INPP4B: variants seen among roughly 807,000 people sequenced by gnomAD.
INPP4B encodes the protein inositol polyphosphate-4-phosphatase type II B, also known as inositol polyphosphate 4-phosphatase type II.
In INPP4B, 55 loss-of-function variants were observed where a neutral mutation model predicts 122.5. The observed-to-expected ratio is 0.45, with a 90% CI of 0.36 to 0.56. The LOEUF is 0.56. Ranked by LOEUF, INPP4B falls within the 20% of genes least tolerant of loss-of-function variation. The probability of loss-of-function intolerance (pLI) is 0.00; values close to 1 mark genes in which losing one functional copy is unlikely to be tolerated. For synonymous variants in INPP4B, 403 were observed against 388.7 expected (o/e 1.04, Z -0.43); for missense variants, 1,000 against 1,097.7 (o/e 0.91, Z 1.26).
intron 7 of INPP4B, among the ~76,000 whole-genome samples, chr4:142,348,110 T>A (rs1269451911): frequency 6.6e-6 from 1 of 152,042 alleles, no homozygotes; most frequent in Non-Finnish European, 1.5e-5. Flanking sequence ...AGCTCCATCT[T>A]GCAAATAATA....
At chr4:142,100,363 G>A (rs2152636652) in intron 23 of INPP4B, among the ~76,000 whole-genome samples, 1 of 152,188 alleles carries the variant, frequency 6.6e-6, no homozygotes, top group African/African-American at 2.4e-5. Flanking sequence ...CACGGTCCCA[G>A]GTTTTGCTAG....
Position 142,028,742 on chromosome 4 carries a change from A to AAATGT in INPP4B, c.*35_*39dup, listed in dbSNP as rs1560862566. ...GACCAAGGTGAAGATTATCCAACTG[A>AAATGT]AATGTATTTGTGTTCCTGTTTATTA... is the stretch of plus-strand genomic sequence containing the variant. On this transcript the variant is annotated 3_prime_UTR_variant, in exon 26 of 26. Transcript: ENST00000262992. The AAATGT allele has an allele frequency of 1.9e-6, 3 of 1,579,060 alleles. No homozygotes were observed. Among genetic ancestry groups the AAATGT allele is most frequent in the Non-Finnish European group, 2.6e-6 (3 of 1,163,170 alleles).
chr4:142,265,848 T>C (rs745373786), intron 10 of INPP4B, among the ~76,000 whole-genome samples: 80 of 152,324 alleles, frequency 5.3e-4, no homozygotes, highest in Admixed American at 2.9e-3. Context: ...AAACACTATG[T>C]AGGATTTGGG....
intron 2 of INPP4B, among the ~76,000 whole-genome samples, chr4:142,567,826 C>T (rs552297221): frequency 9.9e-5 from 15 of 152,078 alleles, no homozygotes; most frequent in African/African-American, 2.9e-4. Context: ...TATTTACTTA[C>T]GCTCCTGTAA....
chr4:142,029,161 T>A, intron 25 of INPP4B: 1 of 1,165,536 alleles, frequency 8.6e-7, no homozygotes, highest in Non-Finnish European at 1.1e-6. Context: ...TTTAATAAAC[T>A]CTTTAAATAT....
chr4:142,109,559 A>G (rs1243295123), intron 22 of INPP4B, among the ~76,000 whole-genome samples: 1 of 152,138 alleles, frequency 6.6e-6, no homozygotes, highest in African/African-American at 2.4e-5. Flanking sequence ...GCAGTATTTC[A>G]ATGCCTTTGG....
chr4:142,219,474 T>C (rs3113522), intron 12 of INPP4B, among the ~76,000 whole-genome samples: 97,160 of 152,120 alleles, frequency 0.64, 36,280 homozygotes, highest in Non-Finnish European at 0.82. Flanking sequence ...ATGGCCAGCA[T>C]TTATTTTTTA....
intron 5 of INPP4B, among the ~76,000 whole-genome samples, chr4:142,425,476 T>C (rs1215335036): frequency 3.3e-5 from 5 of 151,956 alleles, no homozygotes; most frequent in Non-Finnish European, 7.4e-5. Context: ...TCATTCCTGG[T>C]CAAATCACTA....
chr4:142,564,698 A>T (rs1173372162), intron 2 of INPP4B, among the ~76,000 whole-genome samples: 1 of 151,930 alleles, frequency 6.6e-6, no homozygotes, highest in Non-Finnish European at 1.5e-5. Flanking sequence ...TTAAATTTTT[A>T]AATTTTACAT....
At chr4:142,103,274 A>T (rs1785366972) in intron 23 of INPP4B, among the ~76,000 whole-genome samples, 1 of 151,926 alleles carries the variant, frequency 6.6e-6, no homozygotes, top group African/African-American at 2.4e-5. Context: ...TTTTTATGGG[A>T]TCCTTAGTCT....
chr4:142,447,588 A>G (rs1299505632), intron 3 of INPP4B, among the ~76,000 whole-genome samples: 1 of 152,190 alleles, frequency 6.6e-6, no homozygotes, highest in Non-Finnish European at 1.5e-5. Context: ...ATGGTGTTAG[A>G]TGAGTAACTT....
At chr4:142,497,905 G>A (rs1290995639) in intron 2 of INPP4B, among the ~76,000 whole-genome samples, 1 of 152,102 alleles carries the variant, frequency 6.6e-6, no homozygotes, top group African/African-American at 2.4e-5. Flanking sequence ...AAAAAAAGCT[G>A]AAGTAGATGA....
intron 25 of INPP4B, among the ~76,000 whole-genome samples, chr4:142,047,068 C>CAA (rs1158991055): frequency 3.3e-5 from 5 of 152,034 alleles, no homozygotes; most frequent in African/African-American, 1.2e-4. Flanking sequence ...CTGGGTCTAA[C>CAA]AGAGCCATCA....
rs143129583 is a variant in INPP4B at position 142,177,165 on chromosome 4, C to T, written c.1182-3356G>A. On this transcript the variant is annotated intron_variant, in intron 15 of 25. Transcript: ENST00000262992. ...GGTTGTTCTGATGAAGTCTTTTTAA[C>T]GATGAGCACCTCACCTACTGAGGCT... Among the ~76,000 whole-genome samples, 666 of 152,128 alleles carry T rather than the reference C, an allele frequency of 4.4e-3. 15 individuals carry two copies. The highest frequency in any genetic ancestry group is 0.036 in the Admixed American group (553 of 15,286).
chr4:142,216,936 A>G (rs1236573512), intron 12 of INPP4B, among the ~76,000 whole-genome samples: 1 of 152,196 alleles, frequency 6.6e-6, no homozygotes, highest in East Asian at 1.9e-4. Context: ...TATTAAACAG[A>G]TAAGTATTTT....
rs189183588 is a variant in INPP4B at position 142,418,498 on chromosome 4, T to A, written c.136+10675A>T. On this transcript the variant is annotated intron_variant, in intron 5 of 25. Transcript: ENST00000262992. ...AGTCTAGTATGACAAGAAATTTTTT[T>A]AAAAAACAATGAGAATTCTAAACAG... Among the ~76,000 whole-genome samples, 119 of 152,158 alleles carry A rather than the reference T, an allele frequency of 7.8e-4. 2 individuals carry two copies. In the East Asian group the frequency reaches 0.017, roughly 22 times the overall value.
At chr4:142,454,052 T>C (rs1176483612) in intron 3 of INPP4B, among the ~76,000 whole-genome samples, 1 of 152,034 alleles carries the variant, frequency 6.6e-6, no homozygotes, top group African/African-American at 2.4e-5. Flanking sequence ...GGAGCTCAAA[T>C]TTTGTGTAAA....
intron 2 of INPP4B, among the ~76,000 whole-genome samples, chr4:142,627,021 T>A (rs1356054661): frequency 6.6e-6 from 1 of 152,048 alleles, no homozygotes; most frequent in Non-Finnish European, 1.5e-5. Flanking sequence ...GTATATTCTA[T>A]CACTGAAGTT....
At chr4:142,111,449 C>T (rs750843424) in intron 22 of INPP4B, among the ~76,000 whole-genome samples, 5 of 151,550 alleles carry the variant, frequency 3.3e-5, no homozygotes, top group Non-Finnish European at 5.9e-5. Flanking sequence ...CCAGTTCAAG[C>T]GATTCTCCTG....
Sources: gnomAD v4.1 joint callset for allele counts (sites outside exome capture counted in the v4.1 genomes callset) on GRCh38, gnomAD v4.1.1 for gene constraint, MANE v1.5 for transcripts, NCBI Gene and HGNC (gene_info 2026-07-23, HGNC 2026-07-21) for gene names.